Variants in RXRA observed in about 807,000 individuals in gnomAD.
RXRA encodes the protein retinoic acid receptor RXR-alpha.
In RXRA, 5 loss-of-function variants were observed where a neutral mutation model predicts 44.5. The observed-to-expected ratio is 0.11, with a 90% CI of 0.06 to 0.24. The LOEUF is 0.24. RXRA is among the 10% of genes least tolerant of loss of function. The probability of loss-of-function intolerance (pLI) is 1.00; values close to 1 mark genes in which losing one functional copy is unlikely to be tolerated. For synonymous variants in RXRA, 291 were observed against 271.4 expected (o/e 1.07, Z -0.71); for missense variants, 412 against 646.5 (o/e 0.64, Z 3.93).
In RXRA at chr9:134,389,278, C is replaced by T. The variant is rs961214197; in HGVS notation, c.29-12354C>T. On this transcript the variant is annotated intron_variant, in intron 1 of 9. Transcript: ENST00000481739. ...TTGCTGGGTTCCCTGCACACGTGGGCGCTGGCTTTGGTCACCCCCGGGGGG... is the reference window on the plus strand; with the variant it reads ...TTGCTGGGTTCCCTGCACACGTGGGTGCTGGCTTTGGTCACCCCCGGGGGG... Among the ~76,000 whole-genome samples the T allele has an allele frequency of 7.2e-5, 11 of 152,176 alleles. No homozygotes were observed. The East Asian group carries it at 1.9e-3, about 27-fold the overall frequency.
rs944429007 is a variant in RXRA, at chr9:134,407,346, G to A, written c.280-803G>A. On this transcript the variant is annotated intron_variant, in intron 2 of 9. Coordinates refer to ENST00000481739, the MANE Select transcript of RXRA (RefSeq NM_002957.6). The surrounding 1 kb of genome is among the most constrained non-coding windows in gnomAD (Gnocchi z 4.8). ...GAGGCTGGGGGCTGCCTGGCCAAGC[G>A]CTTACCGCCCTGCGCAGCCAGGCTG... is the stretch of plus-strand genomic sequence containing the variant. Among the ~76,000 whole-genome samples, 1 of 152,244 alleles carries A rather than the reference G, an allele frequency of 6.6e-6. No homozygotes were observed. Among genetic ancestry groups the A allele is most frequent in the Non-Finnish European group, 1.5e-5 (1 of 68,040 alleles).
chr9:134,373,265 A>G (rs1830512330), intron 1 of RXRA, among the ~76,000 whole-genome samples: 1 of 151,946 alleles, frequency 6.6e-6, no homozygotes, highest in Admixed American at 6.5e-5. Context: ...TGGGCTAGGA[A>G]TGGCAGTAAC....
rs527735985 is a variant in RXRA at position 134,373,463 on chromosome 9, G to A, written c.29-28169G>A. Among the ~76,000 whole-genome samples, 15 of 152,386 alleles carry A rather than the reference G, an allele frequency of 9.8e-5. No individual in the cohort carries two copies. In the South Asian group the frequency reaches 3.1e-3, roughly 32 times the overall value. On this transcript the variant is annotated intron_variant, in intron 1 of 9. Coordinates refer to ENST00000481739, the MANE Select transcript of RXRA (RefSeq NM_002957.6). ...CAGGCCGTTGGCCCATTTTCCAGATGAGAATACTGCGGCCCAGAGAAGCAG... is the reference window on the plus strand; with the variant it reads ...CAGGCCGTTGGCCCATTTTCCAGATAAGAATACTGCGGCCCAGAGAAGCAG...
intron 1 of RXRA, among the ~76,000 whole-genome samples, chr9:134,390,149 A>C (rs1830778847): frequency 6.6e-6 from 1 of 152,142 alleles, no homozygotes; most frequent in African/African-American, 2.4e-5. Flanking sequence ...CTGGGTCGGC[A>C]TCTCCTTGGT....
chr9:134,428,995 T>C (rs1326427544), intron 6 of RXRA, 113 bp from the exon 7 acceptor site: 18 of 1,329,358 alleles, frequency 1.4e-5, no homozygotes, highest in African/African-American at 1.5e-5. Context: ...TTCCAGAGCC[T>C]GTCAGGATGG....
intron 1 of RXRA, among the ~76,000 whole-genome samples, chr9:134,400,546 C>T (rs1830942950): frequency 6.6e-6 from 1 of 152,224 alleles, no homozygotes; most frequent in Non-Finnish European, 1.5e-5. Flanking sequence ...CAGGCAGTGC[C>T]TCCAGCTCCC....
At chr9:134,421,443 T>G (rs1831329165) in intron 5 of RXRA, among the ~76,000 whole-genome samples, 1 of 152,150 alleles carries the variant, frequency 6.6e-6, no homozygotes, top group African/African-American at 2.4e-5. Flanking sequence ...GTCCCCCCAG[T>G]GGTGCAGGCT....
At chr9:134,432,062 C>A in intron 8 of RXRA, 66 bp downstream of exon 8, 1 of 1,278,818 alleles carries the variant, frequency 7.8e-7, no homozygotes, top group Non-Finnish European at 1.1e-6. Flanking sequence ...CCTGGGCCTC[C>A]TCCTGGCTGT....
In RXRA at chr9:134,421,718, C is replaced by A; in HGVS notation, c.823C>A (p.Gln275Lys). 1 of 1,580,318 alleles carries A rather than the reference C, an allele frequency of 6.3e-7. No homozygotes were observed. The highest frequency in any genetic ancestry group is 1.1e-5 in the South Asian group (1 of 88,090). Residue 275 changes from glutamine (Q) to lysine (K), a missense_variant, in exon 6 of 10, where the codon CAG becomes AAG. Around this residue, in one of 4 missense-constraint regions of RXRA, gnomAD observed 141 missense variants for 270.8 expected, o/e 0.52. Coordinates refer to ENST00000481739, the MANE Select transcript of RXRA (RefSeq NM_002957.6). ...VTNICQAADK[Q>K]LFTLVEWAKR... is the part of the protein sequence containing the mutation. ...CAACATTTGCCAAGCAGCCGACAAA[C>A]AGCTTTTCACCCTGGTGGAGTGGGC...
At chr9:134,387,890 G>A (rs1027093179) in intron 1 of RXRA, among the ~76,000 whole-genome samples, 7 of 152,200 alleles carry the variant, frequency 4.6e-5, no homozygotes, top group African/African-American at 1.7e-4. Context: ...GACTCTGTGA[G>A]CCCAAGGTTT....
intron 1 of RXRA, chr9:134,371,865 G>C (rs1291798729): frequency 6.6e-6 from 1 of 152,358 alleles, no homozygotes; most frequent in African/African-American, 2.4e-5. Flanking sequence ...GATGGCTGCA[G>C]CGCTTCCTGG....
At chr9:134,375,758 C>T (rs540064361) in intron 1 of RXRA, among the ~76,000 whole-genome samples, 96 of 151,924 alleles carry the variant, frequency 6.3e-4, no homozygotes, top group African/African-American at 2.2e-3. Flanking sequence ...CAGCCACTCC[C>T]TGGTGCGGAG....
In RXRA at chr9:134,379,692, C is replaced by T. The variant is rs982738089; in HGVS notation, c.29-21940C>T. On this transcript the variant is annotated intron_variant, in intron 1 of 9. Transcript: ENST00000481739. The stretch of plus-strand genomic sequence containing the variant: ...GAGGTAGCAGGACAGCCCCAGTATG[C>T]GGATGAGAAAACCTGAGGCCCAGCC... The T allele has an allele frequency of 8.1e-6, 8 of 985,306 alleles. No homozygotes were observed. The East Asian group carries it at 3.4e-4, about 42-fold the overall frequency. 61.0% of individuals were successfully genotyped at this position (985,306 alleles called of 1,614,324 possible).
At chr9:134,424,233 C>A in intron 6 of RXRA, 1 of 985,418 alleles carries the variant, frequency 1.0e-6, no homozygotes, top group Non-Finnish European at 1.2e-6. Context: ...CCCCGCAAGG[C>A]CCTTCCCTTA....
intron 1 of RXRA, among the ~76,000 whole-genome samples, chr9:134,351,033 C>T (rs1045712422): frequency 7.2e-5 from 11 of 152,258 alleles, no homozygotes; most frequent in African/African-American, 1.4e-4. Flanking sequence ...CATGGAGCAC[C>T]GGCCTCAGAC....
chr9:134,371,318 C>G (rs576019427), intron 1 of RXRA, among the ~76,000 whole-genome samples: 1 of 152,184 alleles, frequency 6.6e-6, no homozygotes, highest in Non-Finnish European at 1.5e-5. Flanking sequence ...GGGGACCAGT[C>G]GTCTAGAGCC....
At chr9:134,381,791 A>G (rs1477054813) in intron 1 of RXRA, among the ~76,000 whole-genome samples, 1 of 150,678 alleles carries the variant, frequency 6.6e-6, no homozygotes, top group Non-Finnish European at 1.5e-5. Context: ...ATTAGCCCCG[A>G]CCTCCCCGGG....
At position 134,359,089 on chromosome 9, in the gene RXRA, C is replaced by T. The variant is rs142173845; in HGVS notation, c.28+32430C>T. On this transcript the variant is annotated intron_variant, in intron 1 of 9. Transcript: ENST00000481739. ...AGGAAGGCCAGGGTGTAGCCAGGGG[C>T]GGAGGAAGCTTCCAGACCTGCTGTC... Among the ~76,000 whole-genome samples, 1,003 of 152,184 alleles carry T rather than the reference C, an allele frequency of 6.6e-3. 15 individuals are homozygous for T. The highest frequency in any genetic ancestry group is 0.023 in the African/African-American group (952 of 41,508).
chr9:134,422,526 C>T, intron 6 of RXRA: 21 of 1,224,834 alleles, frequency 1.7e-5, no homozygotes, highest in Non-Finnish European at 2.1e-5. Flanking sequence ...GGACACTCCC[C>T]CCTTCCGGGA....
Sources: gnomAD v4.1 joint callset for allele counts (sites outside exome capture counted in the v4.1 genomes callset) on GRCh38, gnomAD v4.1.1 for gene constraint, gnomAD v4.1.1 regional missense constraint, Gnocchi (gnomAD v3.1) non-coding constraint, MANE v1.5 for transcripts, NCBI Gene and HGNC (gene_info 2026-07-23, HGNC 2026-07-21) for gene names.